Variants in CLCN7 observed in about 807,000 individuals in gnomAD.
CLCN7 encodes the protein H(+)/Cl(-) exchange transporter 7.
In CLCN7, 60 loss-of-function variants were observed where a neutral mutation model predicts 102.1. That is an observed-to-expected ratio of 0.59 (90% CI 0.48 to 0.73). CLCN7 has a LOEUF of 0.73. Ranked by LOEUF, CLCN7 falls within the 30% of genes least tolerant of loss-of-function variation. CLCN7 has a pLI of 0.00. For missense variants in CLCN7, 962 were observed against 1,125.7 expected (o/e 0.85, Z 2.08); for synonymous variants, 560 against 490.5 (o/e 1.14, Z -1.87).
chr16:1,450,693 C>T, intron 16 of CLCN7, 27 bp from the exon 17 acceptor site: 1 of 1,534,718 alleles, frequency 6.5e-7, no homozygotes, highest in Non-Finnish European at 8.8e-7. Flanking sequence ...GCTGACGGGG[C>T]CTCCACGACT....
Position 1,453,259 on chromosome 16 carries a change from C to T in CLCN7, c.1215-366G>A, listed in dbSNP as rs150261909. On this transcript the variant is annotated intron_variant, in intron 14 of 24. Transcript: ENST00000382745. The stretch of plus-strand genomic sequence containing the variant: ...AACTCCCGACCTCAGGTGATCCACC[C>T]GCCTCGGCCTCCCAAAGTGCTGGGA... Among the ~76,000 whole-genome samples, 412 of 152,182 alleles carry T rather than the reference C, an allele frequency of 2.7e-3. 1 individual carries two copies. The highest frequency in any genetic ancestry group is 9.3e-3 in the African/African-American group (386 of 41,492).
Position 1,460,401 on chromosome 16 carries a change from G to T in CLCN7, c.594+17C>A. 1 of 1,588,418 alleles carries T rather than the reference G, an allele frequency of 6.3e-7. No individual in the cohort carries two copies. The highest frequency in any genetic ancestry group is 8.6e-7 in the Non-Finnish European group (1 of 1,157,462). On this transcript the variant is annotated intron_variant, in intron 6 of 24. Transcript: ENST00000382745. ...CCTTCATGGGGTCCGCCATAGCTGC[G>T]GCATCCTGCCACCCACCTCTATGAA...
chr16:1,469,712 C>A (rs551124154), intron 1 of CLCN7, among the ~76,000 whole-genome samples: 2 of 152,080 alleles, frequency 1.3e-5, no homozygotes, highest in Non-Finnish European at 2.9e-5. Flanking sequence ...AAACAAAAAA[C>A]CAAAAACCAA....
chr16:1,447,303 C>A (rs1262676303), intron 23 of CLCN7, 89 bp downstream of exon 23: 2 of 1,364,722 alleles, frequency 1.5e-6, no homozygotes, highest in South Asian at 1.3e-5. Context: ...CGCTGTGGCC[C>A]CCCCCGGCTG....
chr16:1,459,066 C>G, intron 7 of CLCN7, 41 bp downstream of exon 7: 1 of 1,529,690 alleles, frequency 6.5e-7, no homozygotes, highest in South Asian at 1.2e-5. Flanking sequence ...CAGCAAAGAG[C>G]GGGCGCCCAC....
chr16:1,457,549 A>C lies in CLCN7; in HGVS notation c.738+145T>G, dbSNP rs1269474023. ...TGACGCGGCCCTTCCTGGAGACCAG[A>C]AGGACCGGTGCTCAGAGACACGCGT... On this transcript the variant is annotated intron_variant, in intron 8 of 24. Transcript: ENST00000382745. The surrounding 1 kb of genome is among the most constrained non-coding windows in gnomAD (Gnocchi z 5.4). 4 of 689,220 alleles carry C rather than the reference A, an allele frequency of 5.8e-6. No individual in the cohort carries two copies. The East Asian group carries it at 1.1e-4, about 19-fold the overall frequency. The allele number at this position is 689,220 out of a possible 1,614,324, so 42.7% of individuals were successfully genotyped here.
At position 1,457,676 on chromosome 16, in the gene CLCN7, C is replaced by T. The variant is rs1307085172; in HGVS notation, c.738+18G>A. 3 of 1,613,096 alleles carry T rather than the reference C, an allele frequency of 1.9e-6. No homozygotes were observed. Among genetic ancestry groups the T allele is most frequent in the Admixed American group, 3.3e-5 (2 of 60,032 alleles). ...CGGCCTCAGGCTCCAGCTGGAGTGG[C>T]CATGTGCACTTTGTTACCTTTCCCA... is the stretch of plus-strand genomic sequence containing the variant. On this transcript the variant is annotated intron_variant, in intron 8 of 24. Transcript: ENST00000382745. This position sits in a 1 kb window ranked among gnomAD's most constrained non-coding sequence, Gnocchi z 5.4.
At chr16:1,454,331 T>A (rs1437067614) in intron 13 of CLCN7, 80 bp downstream of exon 13, 1 of 1,455,630 alleles carries the variant, frequency 6.9e-7, no homozygotes, top group Non-Finnish European at 9.6e-7. Flanking sequence ...AGCCACAGCC[T>A]CCAGTCCTCG....
intron 7 of CLCN7, among the ~76,000 whole-genome samples, chr16:1,458,328 A>G (rs1567270699): frequency 6.6e-6 from 1 of 152,236 alleles, no homozygotes; most frequent in Non-Finnish European, 1.5e-5. Flanking sequence ...GTGGGGGAGG[A>G]CTGTATGTTA....
At position 1,461,195 on chromosome 16, in the gene CLCN7, A is replaced by G. The variant is rs543958205; in HGVS notation, c.351+210T>C. ...CAGCGGTTGTTATGCTGGGCACCGC[A>G]TCTGGCGGCCGTAAGAGCAGCCTTC... On this transcript the variant is annotated intron_variant, in intron 4 of 24. Transcript: ENST00000382745. 5.3e-5 allele frequency among the ~76,000 whole-genome samples: 8 copies of G among 152,360 alleles called. 1 individual carries two copies. In the South Asian group the frequency reaches 1.7e-3, roughly 32 times the overall value.
chr16:1,452,329 CCT>C (rs2038764687), intron 15 of CLCN7: 1 of 256,736 alleles, frequency 3.9e-6, no homozygotes, highest in Non-Finnish European at 7.7e-6. Flanking sequence ...ACGTGTGGTT[CCT>C]CTGAGCGTAG....
At chr16:1,456,287 G>T (rs1161622198) in intron 9 of CLCN7, 81 bp from the exon 10 acceptor site, 1 of 1,014,196 alleles carries the variant, frequency 9.9e-7, no homozygotes, top group Non-Finnish European at 1.5e-6. Flanking sequence ...GCCAGGACAG[G>T]GGCTGTGCAG....
chr16:1,474,899 T>C lies in CLCN7; in HGVS notation c.76A>G (p.Arg26Gly), dbSNP rs1237244859. ...GTCCCCCCGCCGGGCCGCGCCGTCC[T>C]CCGCAGCAGCGGCGCCGCCTCCTCG... is the stretch of plus-strand genomic sequence containing the variant. Reference protein sequence around the residue: ...DDEEAAPLLRRTARPGGGTPL... With the variant: ...DDEEAAPLLRGTARPGGGTPL... The change falls in exon 1 of 25, where the codon AGG becomes GGG. Residue 26 changes from arginine to glycine, a missense_variant. Around this residue, in one of 2 missense-constraint regions of CLCN7, gnomAD observed 163 missense variants for 137.7 expected, o/e 1.18. Coordinates refer to ENST00000382745, the MANE Select transcript of CLCN7 (RefSeq NM_001287.6). The C allele has an allele frequency of 1.4e-6, 2 of 1,459,240 alleles. No individual in the cohort carries two copies. Among genetic ancestry groups the C allele is most frequent in the Non-Finnish European group, 9.0e-7 (1 of 1,108,808 alleles). The allele number at this position is 1,459,240 out of a possible 1,614,324, so 90.4% of individuals were successfully genotyped here.
intron 4 of CLCN7, 151 bp downstream of exon 4, chr16:1,461,254 C>G: frequency 1.3e-6 from 1 of 790,496 alleles, no homozygotes; most frequent in Non-Finnish European, 2.1e-6. Context: ...CCCACTGTCT[C>G]TAGAAACCAG....
intron 1 of CLCN7, among the ~76,000 whole-genome samples, chr16:1,470,931 C>G (rs1324663877): frequency 6.6e-6 from 1 of 152,214 alleles, no homozygotes; most frequent in Non-Finnish European, 1.5e-5. Context: ...CTCACTGCCC[C>G]CTGAGACCCA....
At chr16:1,474,187 A>C (rs1017255240) in intron 1 of CLCN7, 1 of 455,984 alleles carries the variant, frequency 2.2e-6, no homozygotes, top group Non-Finnish European at 4.4e-6. Context: ...GCAGGGTGAC[A>C]TGCGGAACGC....
At chr16:1,450,969 A>G (rs1276573563) in intron 16 of CLCN7, among the ~76,000 whole-genome samples, 1 of 152,196 alleles carries the variant, frequency 6.6e-6, no homozygotes, top group African/African-American at 2.4e-5. Flanking sequence ...TCTACACTCC[A>G]TGGGTGTGCA....
At chr16:1,452,654 G>C (rs1012336877) in intron 15 of CLCN7, 101 bp downstream of exon 15, 1 of 1,293,786 alleles carries the variant, frequency 7.7e-7, no homozygotes, top group Non-Finnish European at 1.1e-6. Context: ...TCTGGAACTC[G>C]GCGGGGTGGG....
At chr16:1,449,796 C>T (rs1476830082) in intron 17 of CLCN7, 7 of 209,328 alleles carry the variant, frequency 3.3e-5, no homozygotes, top group Middle Eastern at 1.8e-3. Context: ...CGCACTGCCT[C>T]GTGAACGTGA....
Sources: gnomAD v4.1 joint callset for allele counts (sites outside exome capture counted in the v4.1 genomes callset) on GRCh38, gnomAD v4.1.1 for gene constraint, gnomAD v4.1.1 regional missense constraint, Gnocchi (gnomAD v3.1) non-coding constraint, MANE v1.5 for transcripts, NCBI Gene and HGNC (gene_info 2026-07-23, HGNC 2026-07-21) for gene names.